The following FCHO2 variants were observed in gnomAD, a reference collection of about 807,000 sequenced individuals.
FCHO2 encodes F-BAR domain only protein 2.
FCHO2 carries 43 observed loss-of-function variants against 114.1 expected under a neutral mutation model. The ratio of observed to expected loss-of-function variants is 0.38; its 90% confidence interval spans 0.30 to 0.49. The LOEUF is 0.49. Ranked by LOEUF, FCHO2 falls within the 20% of genes least tolerant of loss-of-function variation. The probability of loss-of-function intolerance (pLI) is 0.97; values close to 1 mark genes in which losing one functional copy is unlikely to be tolerated. For missense variants in FCHO2, 807 were observed against 950.4 expected (o/e 0.85, Z 1.98); for synonymous variants, 293 against 315.2 (o/e 0.93, Z 0.75).
chr5:73,009,320 T>C (rs560930554), intron 6 of FCHO2, among the ~76,000 whole-genome samples: 1 of 152,228 alleles, frequency 6.6e-6, no homozygotes, highest in Non-Finnish European at 1.5e-5. Flanking sequence ...CATTAAATGG[T>C]TAGTCTTTAT....
Position 73,006,439 on chromosome 5 carries a change from T to C in FCHO2, c.496-6T>C. The C allele has an allele frequency of 1.1e-5, 16 of 1,485,570 alleles. No homozygotes were observed. Among genetic ancestry groups the C allele is most frequent in the Non-Finnish European group, 1.4e-5 (16 of 1,122,822 alleles). 92.0% of individuals were successfully genotyped at this position (1,485,570 alleles called of 1,614,324 possible). A position where few individuals can be genotyped will look rare whatever the true frequency, so the allele number is the denominator to read the frequency against. ...GTTAAAAGTTTTTTATTTTATTTTA[T>C]TACAGGCAGCTGTTAAATCTAAGAA... On this transcript the variant is annotated splice_region_variant and splice_polypyrimidine_tract_variant and intron_variant, in intron 5 of 25. Coordinates refer to ENST00000430046, the MANE Select transcript of FCHO2 (RefSeq NM_138782.3).
chr5:73,056,220 C>G, intron 16 of FCHO2, 113 bp downstream of exon 16: 1 of 720,370 alleles, frequency 1.4e-6, no homozygotes, highest in Non-Finnish European at 2.2e-6. Flanking sequence ...TGCTCCCTGC[C>G]CCTTCATATG....
intron 5 of FCHO2, among the ~76,000 whole-genome samples, chr5:72,993,200 T>C (rs1334106662): frequency 6.6e-6 from 1 of 151,912 alleles, no homozygotes; most frequent in Non-Finnish European, 1.5e-5. Context: ...AAACAAGATC[T>C]ACTAGATAGA....
At chr5:73,005,447 C>G (rs1000686579) in intron 5 of FCHO2, among the ~76,000 whole-genome samples, 3 of 152,118 alleles carry the variant, frequency 2.0e-5, no homozygotes, top group African/African-American at 7.2e-5. Flanking sequence ...CCTTAAGCTC[C>G]CAACCTACCC....
intron 5 of FCHO2, among the ~76,000 whole-genome samples, chr5:73,000,348 A>G (rs1285227226): frequency 2.0e-5 from 3 of 151,808 alleles, no homozygotes; most frequent in Non-Finnish European, 2.9e-5. Context: ...GTGTGTGCCT[A>G]TAATCCCAGC....
chr5:73,070,026 A>G (rs1742557729), intron 19 of FCHO2, among the ~76,000 whole-genome samples: 1 of 152,266 alleles, frequency 6.6e-6, no homozygotes, highest in South Asian at 2.1e-4. Context: ...CTAATTCAGT[A>G]GTAGTCAAAG....
intron 3 of FCHO2, among the ~76,000 whole-genome samples, chr5:72,989,710 A>T (rs1038898850): frequency 5.9e-5 from 9 of 152,150 alleles, no homozygotes; most frequent in Non-Finnish European, 8.8e-5. Context: ...AATGAAATTT[A>T]TTTTTTCCCT....
intron 1 of FCHO2, among the ~76,000 whole-genome samples, chr5:72,957,356 C>T (rs989936328): frequency 1.3e-5 from 2 of 152,154 alleles, no homozygotes; most frequent in Non-Finnish European, 2.9e-5. Context: ...GAAAGAATCC[C>T]TAGACCCATT....
At chr5:72,975,362 T>A (rs1369748633) in intron 2 of FCHO2, among the ~76,000 whole-genome samples, 1 of 152,178 alleles carries the variant, frequency 6.6e-6, no homozygotes, top group Admixed American at 6.6e-5. Context: ...GGTCTAGCTC[T>A]GTCACCCAGG....
intron 2 of FCHO2, among the ~76,000 whole-genome samples, chr5:72,969,049 C>CA: frequency 6.6e-6 from 1 of 152,072 alleles, no homozygotes; most frequent in Admixed American, 6.6e-5. Flanking sequence ...GTTGTTAAGA[C>CA]TCTTAGAATA....
At chr5:73,028,799 C>T (rs1314693324) in intron 8 of FCHO2, among the ~76,000 whole-genome samples, 1 of 151,874 alleles carries the variant, frequency 6.6e-6, no homozygotes, top group African/African-American at 2.4e-5. Flanking sequence ...TACAGGCACG[C>T]ACCACTATGC....
At chr5:73,035,251 C>G (rs1756439429) in intron 9 of FCHO2, among the ~76,000 whole-genome samples, 1 of 152,036 alleles carries the variant, frequency 6.6e-6, no homozygotes, top group African/African-American at 2.4e-5. Context: ...GACCCCATCT[C>G]TACAAAAAAA....
intron 10 of FCHO2, among the ~76,000 whole-genome samples, chr5:73,040,247 T>C (rs1206979904): frequency 6.6e-6 from 1 of 152,198 alleles, no homozygotes; most frequent in African/African-American, 2.4e-5. Flanking sequence ...TTTTGAAATA[T>C]TTGCAGAATA....
intron 1 of FCHO2, among the ~76,000 whole-genome samples, chr5:72,963,914 T>G (rs1014485758): frequency 1.4e-4 from 20 of 144,906 alleles, no homozygotes; most frequent in Admixed American, 2.8e-4. Context: ...TTTTTTTTTT[T>G]TTTTTTTTTT....
At chr5:72,958,879 G>A (rs1431433286) in intron 1 of FCHO2, among the ~76,000 whole-genome samples, 2 of 152,032 alleles carry the variant, frequency 1.3e-5, no homozygotes, top group South Asian at 2.1e-4. Flanking sequence ...GTTATGTTTC[G>A]TTTTCTGTTA....
chr5:72,986,687 T>C (rs1250212605), intron 2 of FCHO2, among the ~76,000 whole-genome samples: 1 of 152,220 alleles, frequency 6.6e-6, no homozygotes, highest in East Asian at 1.9e-4. Flanking sequence ...TTTGAAATGC[T>C]TGGGAGCAGA....
chr5:73,060,257 C>T (rs1343998158), intron 17 of FCHO2, among the ~76,000 whole-genome samples: 1 of 151,794 alleles, frequency 6.6e-6, no homozygotes, highest in African/African-American at 2.4e-5. Flanking sequence ...AAATTCACTT[C>T]AGTATGCATT....
intron 8 of FCHO2, among the ~76,000 whole-genome samples, chr5:73,023,978 C>A (rs1755777231): frequency 6.6e-6 from 1 of 152,124 alleles, no homozygotes; most frequent in South Asian, 2.1e-4. Context: ...TAGGTAATAA[C>A]TGTATATTAG....
intron 8 of FCHO2, among the ~76,000 whole-genome samples, chr5:73,031,655 C>A (rs1478075476): frequency 1.3e-5 from 2 of 152,004 alleles, no homozygotes; most frequent in African/African-American, 2.4e-5. Flanking sequence ...TTTATTTATT[C>A]CTACCTGATG....
Sources: gnomAD v4.1 joint callset for allele counts (sites outside exome capture counted in the v4.1 genomes callset) on GRCh38, gnomAD v4.1.1 for gene constraint, MANE v1.5 for transcripts, NCBI Gene and HGNC (gene_info 2026-07-23, HGNC 2026-07-21) for gene names.